VPS35L: variants seen among roughly 807,000 people sequenced by gnomAD.
The protein encoded by VPS35L is VPS35 endosomal protein-sorting factor-like.
In VPS35L, 83 loss-of-function variants were observed where a neutral mutation model predicts 133.0. The observed-to-expected ratio is 0.62, with a 90% CI of 0.52 to 0.75. The LOEUF (loss-of-function observed/expected upper bound fraction) is 0.75, where lower values mean the gene tolerates loss of function less well. VPS35L is among the 30% of genes least tolerant of loss of function. VPS35L has a pLI of 0.00. For synonymous variants in VPS35L, 423 were observed against 449.9 expected (o/e 0.94, Z 0.76); for missense variants, 1,083 against 1,206.8 (o/e 0.90, Z 1.52).
At chr16:19,628,801 A>G in intron 17 of VPS35L, 48 bp downstream of exon 17, 1 of 877,572 alleles carries the variant, frequency 1.1e-6, no homozygotes, top group Non-Finnish European at 1.5e-6. Flanking sequence ...TTATTTATTT[A>G]TTTATTTTGA....
At chr16:19,635,351 T>C (rs546616625) in intron 19 of VPS35L, among the ~76,000 whole-genome samples, 1 of 152,084 alleles carries the variant, frequency 6.6e-6, no homozygotes, top group South Asian at 2.1e-4. Context: ...CTGTCTCTAA[T>C]TGAACTAAAC....
At chr16:19,647,227 A>C (rs954400838) in intron 23 of VPS35L, among the ~76,000 whole-genome samples, 1 of 152,206 alleles carries the variant, frequency 6.6e-6, no homozygotes, top group African/African-American at 2.4e-5. Flanking sequence ...TCTGAAAGTT[A>C]CCAAGTTATT....
chr16:19,566,823 C>T (rs908205911), intron 2 of VPS35L, among the ~76,000 whole-genome samples: 2 of 151,894 alleles, frequency 1.3e-5, no homozygotes, highest in South Asian at 2.1e-4. Context: ...AATCTCAACT[C>T]AGTGCAACCT....
intron 19 of VPS35L, among the ~76,000 whole-genome samples, chr16:19,636,648 T>C (rs1316467309): frequency 6.6e-6 from 1 of 152,242 alleles, no homozygotes; most frequent in Non-Finnish European, 1.5e-5. Context: ...GTTCTTCATG[T>C]TCTGTTTTTA....
At chr16:19,608,860 C>A in intron 10 of VPS35L, 114 bp from the exon 11 acceptor site, 1 of 808,564 alleles carries the variant, frequency 1.2e-6, no homozygotes, top group Non-Finnish European at 2.1e-6. Flanking sequence ...TTGAGGGCCA[C>A]TGTGGTCCCC....
In VPS35L at chr16:19,639,175, C is replaced by A. The variant is rs1446498792; in HGVS notation, c.1699-840C>A. 6.6e-6 allele frequency among the ~76,000 whole-genome samples: 1 copy of A among 152,218 alleles called. No individual in the cohort carries two copies. Among genetic ancestry groups the A allele is most frequent in the Non-Finnish European group, 1.5e-5 (1 of 68,032 alleles). On this transcript the variant is annotated intron_variant, in intron 20 of 30. Transcript: ENST00000417362. This position sits in a 1 kb window ranked among gnomAD's most constrained non-coding sequence, Gnocchi z 4.1. ...TCGGATGGCCGTTAACCGAGGATAA[C>A]TGACACTATGGAAAGCAAAACCGCA...
intron 24 of VPS35L, among the ~76,000 whole-genome samples, chr16:19,648,895 AAGTT>A (rs1974038424): frequency 7.1e-6 from 1 of 141,348 alleles, no homozygotes; most frequent in Non-Finnish European, 1.5e-5. Flanking sequence ...AAAAAAAAAA[AAGTT>A]AGGTTCAGAC....
intron 8 of VPS35L, 125 bp from the exon 9 acceptor site, chr16:19,601,539 G>C: frequency 1.2e-6 from 1 of 862,534 alleles, no homozygotes. Flanking sequence ...CCAGGTGGCA[G>C]CATACCATCA....
chr16:19,575,128 A>G lies in VPS35L; in HGVS notation c.433+6A>G. The G allele has an allele frequency of 6.2e-7, 1 of 1,606,994 alleles. No homozygotes were observed. Among genetic ancestry groups the G allele is most frequent in the Non-Finnish European group, 8.5e-7 (1 of 1,175,596 alleles). ...GTTTATGGGATCTGAAAAAGGTAAG[A>G]TGAGTTTGTTGTTGTTTTGATGGGA... On this transcript the variant is annotated splice_donor_region_variant and intron_variant, in intron 5 of 30. Coordinates refer to ENST00000417362, the MANE Select transcript of VPS35L (RefSeq NM_020314.7).
rs1027268538 is a variant in VPS35L, at chr16:19,695,973, A to C, written c.2647-3529A>C. On this transcript the variant is annotated intron_variant, in intron 29 of 30. Coordinates refer to ENST00000417362, the MANE Select transcript of VPS35L (RefSeq NM_020314.7). ...ACAATTTCAGCTGACTGCAACCTCCACCTCCCAGATTCAAGTGATTCTCCT... is the reference window on the plus strand; with the variant it reads ...ACAATTTCAGCTGACTGCAACCTCCCCCTCCCAGATTCAAGTGATTCTCCT... 7.3e-5 allele frequency among the ~76,000 whole-genome samples: 11 copies of C among 151,554 alleles called. 1 individual carries two copies. Among genetic ancestry groups the C allele is most frequent in the African/African-American group, 2.4e-4 (10 of 41,146 alleles).
Position 19,577,452 on chromosome 16 carries a change from C to T in VPS35L, c.434-1600C>T, listed in dbSNP as rs190292067. Among the ~76,000 whole-genome samples, 6 of 152,264 alleles carry T rather than the reference C, an allele frequency of 3.9e-5. No individual in the cohort carries two copies. The East Asian group carries it at 1.2e-3, about 29-fold the overall frequency. ...ACAACCCAGACACCTCCCACCAGGC[C>T]CCACCTCCAACACTGGGGATCACAT... On this transcript the variant is annotated intron_variant, in intron 5 of 30. Coordinates refer to ENST00000417362, the MANE Select transcript of VPS35L (RefSeq NM_020314.7).
In VPS35L at chr16:19,639,018, G is replaced by C. The variant is rs1973705103; in HGVS notation, c.1699-997G>C. ...CTACTGGGGAGGCTGAGGTTGCAGT[G>C]AACCGAGATTGCACCAGGGCACTCG... On this transcript the variant is annotated intron_variant, in intron 20 of 30. Coordinates refer to ENST00000417362, the MANE Select transcript of VPS35L (RefSeq NM_020314.7). The surrounding 1 kb of genome is among the most constrained non-coding windows in gnomAD (Gnocchi z 4.1). 6.6e-6 allele frequency among the ~76,000 whole-genome samples: 1 copy of C among 152,010 alleles called. No homozygotes were observed. The highest frequency in any genetic ancestry group is 1.5e-5 in the Non-Finnish European group (1 of 68,000).
intron 26 of VPS35L, among the ~76,000 whole-genome samples, chr16:19,664,287 C>T (rs1310265024): frequency 1.3e-5 from 2 of 151,932 alleles, no homozygotes; most frequent in African/African-American, 2.4e-5. Flanking sequence ...AATACGGGGA[C>T]GGTGGCTGCG....
Position 19,569,434 on chromosome 16 carries a change from C to T in VPS35L, c.128C>T (p.Ser43Leu). 1 of 1,596,078 alleles carries T rather than the reference C, an allele frequency of 6.3e-7. No individual in the cohort carries two copies. Among genetic ancestry groups the T allele is most frequent in the Non-Finnish European group, 8.5e-7 (1 of 1,171,966 alleles). The change falls in exon 3 of 31, where the codon TCA (serine) becomes TTA (leucine). Residue 43 changes from serine to leucine, a missense_variant. By Grantham distance (145) the Ser-to-Leu change is moderately radical. Transcript: ENST00000417362. ...AAATTTTCCTCACAGGTCACAGAGT[C>T]AAAGACAAAGAAAGTGAACCGGAAA... Reference protein sequence around the residue: ...HPLKPITVTESKTKKVNRKGS... With the variant: ...HPLKPITVTELKTKKVNRKGS...
chr16:19,585,948 A>G (rs978721339), intron 7 of VPS35L, among the ~76,000 whole-genome samples: 2 of 152,016 alleles, frequency 1.3e-5, no homozygotes, highest in African/African-American at 4.8e-5. Flanking sequence ...CTCCAGATGG[A>G]GTGCAGTGGT....
At chr16:19,581,265 T>C (rs8060828) in intron 6 of VPS35L, among the ~76,000 whole-genome samples, 43,302 of 151,892 alleles carry the variant, frequency 0.29, 7,708 homozygotes, top group African/African-American at 0.5. Flanking sequence ...CACAGCTACT[T>C]GGTGTCCAAG....
At chr16:19,607,965 T>G in intron 9 of VPS35L, 2 of 548,524 alleles carry the variant, frequency 3.6e-6, no homozygotes, top group Non-Finnish European at 6.5e-6. Context: ...GTGAGCTGTC[T>G]GTAAAGCACT....
intron 6 of VPS35L, chr16:19,579,805 G>C (rs1211100507): frequency 6.6e-6 from 1 of 152,040 alleles, no homozygotes; most frequent in African/African-American, 2.4e-5. Context: ...TGGCCCACAG[G>C]AATCTTTTAA....
At chr16:19,570,882 TATA>T (rs1567388877) in intron 3 of VPS35L, among the ~76,000 whole-genome samples, 10 of 96,652 alleles carry the variant, frequency 1.0e-4, no homozygotes, top group Non-Finnish European at 1.9e-4. Flanking sequence ...TATATATATA[TATA>T]TATATTTTTG....
Sources: allele counts gnomAD v4.1 joint callset (sites outside exome capture counted in the v4.1 genomes callset), GRCh38; gene constraint gnomAD v4.1.1; non-coding constraint Gnocchi (gnomAD v3.1); transcripts MANE v1.5; gene names NCBI Gene and HGNC (gene_info 2026-07-23, HGNC 2026-07-21).